The following TMEM255A variants were observed in gnomAD, a reference collection of about 807,000 sequenced individuals.
TMEM255A encodes the protein transmembrane protein 255A, also known as family with sequence similarity 70, member A.
In TMEM255A, 14 loss-of-function variants were observed where a neutral mutation model predicts 23.5. The observed-to-expected ratio is 0.60, with a 90% CI of 0.39 to 0.93. TMEM255A has a LOEUF of 0.93. Ranked by LOEUF, TMEM255A falls within the 40% of genes least tolerant of loss-of-function variation. TMEM255A has a pLI of 0.00. For synonymous variants in TMEM255A, 104 were observed against 100.3 expected (o/e 1.04, Z -0.22); for missense variants, 233 against 261.7 (o/e 0.89, Z 0.76).
At chrX:120,282,202 C>T (rs1451177177) in intron 6 of TMEM255A, among the ~76,000 whole-genome samples, 3 of 111,646 alleles carry the variant, frequency 2.7e-5, no homozygotes, top group Non-Finnish European at 5.6e-5. Flanking sequence ...GAAAAAGCCC[C>T]AGGTCAAGAA....
intron 1 of TMEM255A, chrX:120,310,233 A>G (rs1327153991): frequency 8.9e-6 from 1 of 112,223 alleles, no homozygotes; most frequent in African/African-American, 3.2e-5. Flanking sequence ...AGGTGGGATC[A>G]TGATTTTACA....
In TMEM255A at chrX:120,285,186, G is replaced by T. The variant is rs782663617; in HGVS notation, c.453C>A (p.Phe151Leu). ...TGTTGCCCCGGATGCGAGGTGTGCAGAATTCACGGCTGAGGTGAGGGCAGT... is the reference window on the plus strand; with the variant it reads ...TGTTGCCCCGGATGCGAGGTGTGCATAATTCACGGCTGAGGTGAGGGCAGT... ...EVNCPHLSRE[F>L]CTPRIRGNTC... Residue 151 changes from phenylalanine to leucine, a missense_variant, in exon 6 of 9, where the codon TTC becomes TTA. Coordinates refer to ENST00000371369, the MANE Select transcript of TMEM255A (RefSeq NM_001104544.3). 1.1e-5 allele frequency: 13 copies of T among 1,211,437 alleles called. No individual in the cohort carries two copies. In the South Asian group the frequency reaches 2.1e-4, roughly 20 times the overall value.
chrX:120,304,632 G>A, intron 1 of TMEM255A, 141 bp from the exon 2 acceptor site: 2 of 570,099 alleles, frequency 3.5e-6, no homozygotes, highest in Non-Finnish European at 5.6e-6. Flanking sequence ...GTGGGGGGTT[G>A]TGGGGAAGGG....
At chrX:120,289,996 T>C (rs1441210249) in intron 4 of TMEM255A, among the ~76,000 whole-genome samples, 1 of 111,448 alleles carries the variant, frequency 9.0e-6, no homozygotes, top group African/African-American at 3.3e-5. Flanking sequence ...GAAAGTATAT[T>C]AGTGGTTGCT....
downstream of TMEM255A, chrX:120,254,497 C>A (rs781783558): frequency 8.3e-7 from 1 of 1,209,923 alleles, no homozygotes; most frequent in Admixed American, 2.2e-5. Context: ...CAGGCTGATA[C>A]CTCCCAAAAT....
At chrX:120,275,784 ATTTTTTTTTTTTT>A (rs11342181) in intron 7 of TMEM255A, among the ~76,000 whole-genome samples, 1 of 60,249 alleles carries the variant, frequency 1.7e-5, no homozygotes, top group Non-Finnish European at 2.8e-5. Context: ...GAGCCCAAGC[ATTTTTTTTTTTTT>A]TTTTTTTTTT....
At chrX:120,304,072 A>G (rs139317652) in intron 2 of TMEM255A, among the ~76,000 whole-genome samples, 2,879 of 111,066 alleles carry the variant, frequency 0.026, 101 homozygotes, top group African/African-American at 0.09. Flanking sequence ...CACTGCTGGT[A>G]ACATCTCCTA....
intron 8 of TMEM255A, among the ~76,000 whole-genome samples, chrX:120,261,327 T>G (rs1358216404): frequency 8.9e-6 from 1 of 112,034 alleles, no homozygotes; most frequent in Non-Finnish European, 1.9e-5. Context: ...CACTACCTTT[T>G]TTACATTTAT....
At chrX:120,284,982 A>G in intron 6 of TMEM255A, 145 bp downstream of exon 6, 1 of 534,319 alleles carries the variant, frequency 1.9e-6, no homozygotes, top group East Asian at 3.3e-5. Context: ...CAGAGAAGGC[A>G]AGTAATGTCT....
rs11342181 is a variant in TMEM255A, at chrX:120,275,784, A to ATTTTTTTTTTTTTTTTTTTTT, written c.675+1080_675+1100dup. 1.7e-4 allele frequency among the ~76,000 whole-genome samples: 10 copies of ATTTTTTTTTTTTTTTTTTTTT among 60,249 alleles called. 1 individual carries two copies. Among genetic ancestry groups the ATTTTTTTTTTTTTTTTTTTTT allele is most frequent in the African/African-American group, 6.4e-4 (9 of 14,085 alleles). 52.3% of individuals were successfully genotyped at this position (60,249 alleles called of 115,157 possible). ...GAATCTTTAGAGAAGGAGCCCAAGCATTTTTTTTTTTTTTTTTTTTTTTTT... is the reference window on the plus strand; with the variant it reads ...GAATCTTTAGAGAAGGAGCCCAAGCATTTTTTTTTTTTTTTTTTTTTTTTTTTTTTTTTTTTTTTTTTTTTT... On this transcript the variant is annotated intron_variant, in intron 7 of 8. Transcript: ENST00000371369.
intron 5 of TMEM255A, chrX:120,285,888 A>G (rs2057871939): frequency 1.7e-6 from 2 of 1,187,784 alleles, no homozygotes; most frequent in African/African-American, 1.8e-5. Context: ...TTCATTTACC[A>G]TCTCTTGTTA....
At chrX:120,263,078 T>C (rs1603399666) in intron 8 of TMEM255A, among the ~76,000 whole-genome samples, 1 of 111,183 alleles carries the variant, frequency 9.0e-6, no homozygotes, top group East Asian at 2.8e-4. Flanking sequence ...AGCTGAAGGG[T>C]TCCTGGCAGA....
intron 1 of TMEM255A, among the ~76,000 whole-genome samples, chrX:120,309,267 T>G (rs1225968189): frequency 1.8e-5 from 2 of 113,127 alleles, no homozygotes; most frequent in East Asian, 5.6e-4. Flanking sequence ...TATCTGGGAT[T>G]TATGATTCCT....
intron 2 of TMEM255A, 107 bp downstream of exon 2, chrX:120,304,242 T>C: frequency 1.1e-6 from 1 of 880,429 alleles, no homozygotes; most frequent in Non-Finnish European, 1.6e-6. Context: ...AAGGAGGAAA[T>C]CTGAGCAAAC....
intron 6 of TMEM255A, among the ~76,000 whole-genome samples, chrX:120,278,344 G>C (rs2057814910): frequency 8.9e-6 from 1 of 112,196 alleles, no homozygotes; most frequent in Non-Finnish European, 1.9e-5. Context: ...ATGGTATCGT[G>C]TTATGGCAGC....
chrX:120,300,381 C>CTGTTT (rs1391025813), intron 2 of TMEM255A, among the ~76,000 whole-genome samples: 7 of 110,280 alleles, frequency 6.3e-5, no homozygotes, highest in African/African-American at 1.3e-4. Context: ...GTTTTTGTTT[C>CTGTTT]TGTTTTGTTT....
chrX:120,263,713 G>A (rs1603399746), intron 8 of TMEM255A, among the ~76,000 whole-genome samples: 2 of 108,102 alleles, frequency 1.9e-5, no homozygotes, highest in South Asian at 8.4e-4. Flanking sequence ...GGGAGATGGA[G>A]AGAAGAGTGG....
rs782399121 is a variant in TMEM255A, at chrX:120,304,360, G to T, written c.190C>A (p.Pro64Thr). The T allele has an allele frequency of 4.1e-6, 5 of 1,209,328 alleles. No individual in the cohort carries two copies. The highest frequency in any genetic ancestry group is 5.6e-6 in the Non-Finnish European group (5 of 894,394). ...TQNVTVGGYY[P>T]GVILGFGSFL... is the part of the protein sequence containing the mutation. ...CCTTCTATACTTACAATAACTCCGG[G>T]GTAATAACCTCCTACAGTCACATTC... Residue 64 changes from proline to threonine, a missense_variant, in exon 2 of 9, where the codon CCC becomes ACC. By Grantham distance (38) the Pro-to-Thr change is conservative. Coordinates refer to ENST00000371369, the MANE Select transcript of TMEM255A (RefSeq NM_001104544.3).
chrX:120,308,923 A>C (rs185148267), intron 1 of TMEM255A, among the ~76,000 whole-genome samples: 62 of 112,792 alleles, frequency 5.5e-4, no homozygotes, highest in African/African-American at 1.9e-3. Context: ...GCGTGTTTTA[A>C]ATTTTATTGT....
Sources: allele counts gnomAD v4.1 joint callset (sites outside exome capture counted in the v4.1 genomes callset), GRCh38; gene constraint gnomAD v4.1.1; transcripts MANE v1.5; gene names NCBI Gene and HGNC (gene_info 2026-07-23, HGNC 2026-07-21).